The following RPL11 variants were observed in gnomAD, a reference collection of about 807,000 sequenced individuals.
RPL11 encodes the protein ribosomal protein L11.
In RPL11, 3 loss-of-function variants were observed where a neutral mutation model predicts 24.1. That is an observed-to-expected ratio of 0.12 (90% CI 0.06 to 0.32). The LOEUF (loss-of-function observed/expected upper bound fraction) is 0.32. Among genes scored for constraint, RPL11 ranks in the 10% least tolerant of loss-of-function variants. The probability of loss-of-function intolerance (pLI) is 1.00; values close to 1 mark genes in which losing one functional copy is unlikely to be tolerated. For synonymous variants in RPL11, 96 were observed against 75.7 expected (o/e 1.27, Z -1.39); for missense variants, 146 against 225.7 (o/e 0.65, Z 2.26).
At chr1:23,695,593 C>G (rs1644528417) in intron 4 of RPL11, 1 of 609,124 alleles carries the variant, frequency 1.6e-6, no homozygotes, top group Admixed American at 2.4e-5. Flanking sequence ...GCTGAAAGTT[C>G]CAGCCTCCAA....
Position 23,691,839 on chromosome 1 carries a change from T to C in RPL11, c.6+10T>C. The stretch of plus-strand genomic sequence containing the variant: ...GCTCTCCATCATGGCGGTGAGTAGC[T>C]GGGACCTGGATTTGCTTTCCTTTAT... On this transcript the variant is annotated intron_variant, in intron 1 of 5. Transcript: ENST00000643754. 1.2e-6 allele frequency: 2 copies of C among 1,614,256 alleles called. No individual in the cohort carries two copies. Among genetic ancestry groups the C allele is most frequent in the Non-Finnish European group, 1.7e-6 (2 of 1,180,040 alleles).
chr1:23,692,096 G>A (rs891386126), intron 1 of RPL11: 3 of 586,048 alleles, frequency 5.1e-6, no homozygotes, highest in African/African-American at 3.7e-5. Flanking sequence ...TGGGGTGAAT[G>A]GAGGGTTCTG....
chr1:23,694,329 T>TA (rs1274747745), intron 3 of RPL11, among the ~76,000 whole-genome samples: 2 of 151,798 alleles, frequency 1.3e-5, no homozygotes, highest in Non-Finnish European at 2.9e-5. Context: ...AGTGAGCTGA[T>TA]ATTGTGCCAC....
At chr1:23,694,901 C>G in intron 4 of RPL11, 110 bp downstream of exon 4, 2 of 1,543,692 alleles carry the variant, frequency 1.3e-6, no homozygotes, top group Middle Eastern at 3.4e-4. Context: ...TGAATATTGT[C>G]TGCCTTTGTG....
chr1:23,696,380 G>C lies in RPL11; in HGVS notation c.*7G>C, dbSNP rs763737691. The C allele has an allele frequency of 6.2e-7, 1 of 1,613,284 alleles. No homozygotes were observed. The highest frequency in any genetic ancestry group is 8.5e-7 in the Non-Finnish European group (1 of 1,179,452). ...CATCCTTCCTGGCAAATAAATTCCC[G>C]TTTCTATCCAAAAGAGCAATAAAAA... is the stretch of plus-strand genomic sequence containing the variant. On this transcript the variant is annotated 3_prime_UTR_variant, in exon 6 of 6. Transcript: ENST00000643754.
Position 23,694,668 on chromosome 1 carries a change from G to A in RPL11, c.273G>A (p.Glu91=). 2 of 1,613,968 alleles carry A rather than the reference G, an allele frequency of 1.2e-6. No homozygotes were observed. Among genetic ancestry groups the A allele is most frequent in the South Asian group, 1.1e-5 (1 of 91,074 alleles). ...TGCATTTTTCTCCACAGGTGCGGGA[G>A]TATGAGTTAAGAAAAAACAACTTCT... The part of the protein sequence containing the change: ...EILEKGLKVR[E]YELRKNNFSD... Residue 91 remains glutamate (E), a synonymous_variant, in exon 4 of 6, where the codon GAG becomes GAA. Coordinates refer to ENST00000643754, the MANE Select transcript of RPL11 (RefSeq NM_000975.5).
rs778516492 is a variant in RPL11 at position 23,696,301 on chromosome 1, TG to T, written c.508-42del. The T allele has an allele frequency of 5.7e-5, 91 of 1,594,966 alleles. No homozygotes were observed. In the African/African-American group the frequency reaches 1.1e-3, roughly 19 times the overall value. The stretch of plus-strand genomic sequence containing the variant: ...AGTTAGCCATTGCTGCAATCTCTGC[TG>T]TTGCCTCCTGTTCTGAAAAAATTAA... On this transcript the variant is annotated intron_variant, in intron 5 of 5. Transcript: ENST00000643754.
intron 3 of RPL11, 122 bp downstream of exon 3, chr1:23,694,035 A>T: frequency 1.2e-6 from 1 of 803,122 alleles, no homozygotes; most frequent in Non-Finnish European, 2.1e-6. Flanking sequence ...AGCTTCTAAA[A>T]GGCTTTTTCT....
chr1:23,693,954 C>T (rs548317838), intron 3 of RPL11, 41 bp downstream of exon 3: 35 of 1,339,668 alleles, frequency 2.6e-5, no homozygotes, highest in East Asian at 4.6e-5. Flanking sequence ...GATCAGCACT[C>T]CTTTAGTAAC....
rs147126227 is a variant in RPL11 at position 23,692,845 on chromosome 1, A to C, written c.157+86A>C. On this transcript the variant is annotated intron_variant, in intron 2 of 5. Coordinates refer to ENST00000643754, the MANE Select transcript of RPL11 (RefSeq NM_000975.5). ...TTACCTGCTGTCGAGTCTGTTTAGA[A>C]AGTGACAGTCGGCATCACTTAAAGC... The C allele has an allele frequency of 7.8e-4, 1,215 of 1,564,562 alleles. 19 individuals carry two copies. In the East Asian group the frequency reaches 0.025, roughly 32 times the overall value.
intron 4 of RPL11, 132 bp downstream of exon 4, chr1:23,694,923 C>T: frequency 7.0e-7 from 1 of 1,418,922 alleles, no homozygotes; most frequent in Non-Finnish European, 9.9e-7. Context: ...TCTCCTCCCC[C>T]TTGGGGAAAT....
At chr1:23,692,407 C>A in intron 1 of RPL11, 1 of 608,092 alleles carries the variant, frequency 1.6e-6, no homozygotes, top group South Asian at 1.9e-5. Context: ...GTTTTCTCTT[C>A]ACCCGTTCCG....
chr1:23,694,009 G>C (rs1318130111), intron 3 of RPL11, 96 bp downstream of exon 3: 3 of 937,806 alleles, frequency 3.2e-6, no homozygotes, highest in East Asian at 2.6e-5. Context: ...TTGGTGTCTT[G>C]ATATTTATTT....
chr1:23,695,848 C>T lies in RPL11; in HGVS notation c.447C>T (p.Gly149=), dbSNP rs1410026903. ...FSIADKKRRT[G]CIGAKHRISK... Reference sequence around the variant, plus strand: ...TCGCAGACAAGAAGCGCAGGACAGGCTGCATTGGGGCCAAACACAGAATCA... The same window carrying T: ...TCGCAGACAAGAAGCGCAGGACAGGTTGCATTGGGGCCAAACACAGAATCA... The change falls in exon 5 of 6, where the codon GGC becomes GGT. Residue 149 remains glycine (G), a synonymous_variant. Transcript: ENST00000643754. 2 of 1,601,202 alleles carry T rather than the reference C, an allele frequency of 1.2e-6. No individual in the cohort carries two copies. Among genetic ancestry groups the T allele is most frequent in the African/African-American group, 1.3e-5 (1 of 74,770 alleles).
intron 1 of RPL11, chr1:23,692,202 C>T (rs191004556): frequency 1.8e-5 from 8 of 452,200 alleles, no homozygotes; most frequent in East Asian, 8.9e-5. Flanking sequence ...GGGAAGGTGC[C>T]AGCCTTTAGA....
At chr1:23,692,488 C>A in intron 1 of RPL11, 121 bp from the exon 2 acceptor site, 1 of 1,286,584 alleles carries the variant, frequency 7.8e-7, no homozygotes, top group Non-Finnish European at 1.1e-6. Context: ...ACCTTTTAAA[C>A]ATTCAGGGTC....
In RPL11 at chr1:23,692,100, G is replaced by A. The variant is rs578039311; in HGVS notation, c.6+271G>A. 84 of 580,762 alleles carry A rather than the reference G, an allele frequency of 1.4e-4. No homozygotes were observed. The South Asian group carries it at 1.6e-3, about 11-fold the overall frequency. The allele number at this position is 580,762 out of a possible 1,614,324, so 36.0% of individuals were successfully genotyped here. On this transcript the variant is annotated intron_variant, in intron 1 of 5. Coordinates refer to ENST00000643754, the MANE Select transcript of RPL11 (RefSeq NM_000975.5). The stretch of plus-strand genomic sequence containing the variant: ...GCGGGGGCAGATGGGGTGAATGGAG[G>A]GTTCTGAGGCAGGGGGGTCCGGGCC...
Position 23,693,907 on chromosome 1 carries a change from T to G in RPL11, c.258T>G (p.Gly86=), listed in dbSNP as rs760885169. Reference sequence around the variant, plus strand: ...AGGCAGAAGAAATCTTGGAGAAGGGTCTAAAGGTGAGCCTAATCCCCTAAT... The same window carrying G: ...AGGCAGAAGAAATCTTGGAGAAGGGGCTAAAGGTGAGCCTAATCCCCTAAT... The part of the protein sequence containing the change: ...GAKAEEILEK[G]LKVREYELRK... Residue 86 remains glycine, a synonymous_variant, in exon 3 of 6, where the codon GGT becomes GGG. Transcript: ENST00000643754. 12 of 1,613,436 alleles carry G rather than the reference T, an allele frequency of 7.4e-6. No individual in the cohort carries two copies. The Admixed American group carries it at 1.7e-4, about 22-fold the overall frequency.
rs149169218 is a variant in RPL11 at position 23,696,332 on chromosome 1, C to G, written c.508-12C>G. On this transcript the variant is annotated splice_polypyrimidine_tract_variant and intron_variant, in intron 5 of 5. Coordinates refer to ENST00000643754, the MANE Select transcript of RPL11 (RefSeq NM_000975.5). ...CTCCTGTTCTGAAAAAATTAAATCT[C>G]TTCTCTTTCAGTATGATGGGATCAT... 58 of 1,613,870 alleles carry G rather than the reference C, an allele frequency of 3.6e-5. No homozygotes were observed. In the African/African-American group the frequency reaches 7.5e-4, roughly 21 times the overall value.
Sources: allele counts gnomAD v4.1 joint callset (sites outside exome capture counted in the v4.1 genomes callset), GRCh38; gene constraint gnomAD v4.1.1; transcripts MANE v1.5; gene names NCBI Gene and HGNC (gene_info 2026-07-23, HGNC 2026-07-21).